KHDRBS2: variants seen among roughly 807,000 people sequenced by gnomAD.
KHDRBS2 encodes the protein KH RNA binding domain containing, signal transduction associated 2.
In KHDRBS2, 26 loss-of-function variants were observed where a neutral mutation model predicts 44.3. That is an observed-to-expected ratio of 0.59 (90% confidence interval 0.43 to 0.81). The LOEUF is 0.81. KHDRBS2 is among the 40% of genes least tolerant of loss of function. The pLI is 0.00. For missense variants in KHDRBS2, 476 were observed against 433.1 expected (o/e 1.10, Z -0.88); for synonymous variants, 194 against 151.1 (o/e 1.28, Z -2.08).
intron 3 of KHDRBS2, among the ~76,000 whole-genome samples, chr6:62,003,851 G>A (rs573355091): frequency 1.3e-5 from 2 of 151,344 alleles, no homozygotes; most frequent in East Asian, 2.0e-4. Flanking sequence ...TAGAACTCAG[G>A]ATTAAAACCA....
the KHDRBS2 span, among the ~76,000 whole-genome samples, chr6:61,604,878 G>T: frequency 6.6e-6 from 1 of 151,994 alleles, no homozygotes; most frequent in African/African-American, 2.4e-5. Flanking sequence ...ATAATTCCTT[G>T]GTCTGGCCTG....
chr6:61,593,497 T>C, the KHDRBS2 span, among the ~76,000 whole-genome samples: 3 of 150,902 alleles, frequency 2.0e-5, no homozygotes, highest in Admixed American at 6.6e-5. Flanking sequence ...TTTTGACACA[T>C]AGTTTTTCTC....
chr6:62,117,037 T>C (rs1806415013), intron 2 of KHDRBS2, among the ~76,000 whole-genome samples: 1 of 152,222 alleles, frequency 6.6e-6, no homozygotes, highest in African/African-American at 2.4e-5. Flanking sequence ...ATCTTGGCTA[T>C]TGTGAACAGT....
chr6:61,854,933 G>T (rs1017832362), intron 6 of KHDRBS2, among the ~76,000 whole-genome samples: 6 of 152,146 alleles, frequency 3.9e-5, no homozygotes, highest in Admixed American at 1.3e-4. Flanking sequence ...CATATGCCAT[G>T]CATGGCTCCC....
intron 4 of KHDRBS2, among the ~76,000 whole-genome samples, chr6:61,930,195 C>T (rs1485961588): frequency 6.6e-6 from 1 of 152,102 alleles, no homozygotes; most frequent in Non-Finnish European, 1.5e-5. Context: ...TACCAGACAA[C>T]AAACCTGCAG....
chr6:61,891,204 C>T (rs1302344778), intron 6 of KHDRBS2, among the ~76,000 whole-genome samples: 1 of 152,086 alleles, frequency 6.6e-6, no homozygotes. Flanking sequence ...AGGAGATGGA[C>T]ATGCTGGAGA....
intron 6 of KHDRBS2, among the ~76,000 whole-genome samples, chr6:61,739,761 A>G (rs1775884832): frequency 1.3e-5 from 2 of 152,078 alleles, no homozygotes. Flanking sequence ...TCACCACATT[A>G]GCACTGAAAA....
the KHDRBS2 span, among the ~76,000 whole-genome samples, chr6:61,591,763 C>A: frequency 6.6e-6 from 1 of 152,276 alleles, no homozygotes; most frequent in Admixed American, 6.5e-5. Context: ...TTTACCACAG[C>A]CCTGCTCTTT....
intron 1 of KHDRBS2, among the ~76,000 whole-genome samples, chr6:62,198,333 C>T (rs964668537): frequency 2.0e-5 from 3 of 151,740 alleles, no homozygotes; most frequent in South Asian, 2.1e-4. Context: ...ATTGATAGAC[C>T]GCTAGCAAGA....
At chr6:61,727,045 A>G (rs1773691552) in intron 7 of KHDRBS2, among the ~76,000 whole-genome samples, 2 of 152,194 alleles carry the variant, frequency 1.3e-5, no homozygotes, top group Admixed American at 6.5e-5. Context: ...ACAGTAACCA[A>G]AACAGCACAA....
intron 3 of KHDRBS2, among the ~76,000 whole-genome samples, chr6:62,044,716 C>T (rs1469237248): frequency 6.6e-6 from 1 of 151,906 alleles, no homozygotes; most frequent in Non-Finnish European, 1.5e-5. Context: ...CCTCATGTGG[C>T]TTCAGTTATT....
intron 3 of KHDRBS2, among the ~76,000 whole-genome samples, chr6:62,011,405 A>G (rs1172334449): frequency 6.6e-6 from 1 of 152,208 alleles, no homozygotes. Context: ...AAATGTGAAA[A>G]ATATTCACAT....
the KHDRBS2 span, among the ~76,000 whole-genome samples, chr6:61,636,061 C>G: frequency 0.15 from 22,437 of 151,992 alleles, 2,100 homozygotes; most frequent in South Asian, 0.27. Flanking sequence ...ATACATATTC[C>G]ACAATATTCC....
chr6:61,601,467 G>A, the KHDRBS2 span, among the ~76,000 whole-genome samples: 169 of 152,176 alleles, frequency 1.1e-3, 1 homozygote, highest in Non-Finnish European at 1.3e-3. Context: ...ACTTGACAGT[G>A]GTTCCAAATA....
At chr6:62,214,219 T>A (rs1407429639) in intron 1 of KHDRBS2, among the ~76,000 whole-genome samples, 1 of 152,160 alleles carries the variant, frequency 6.6e-6, no homozygotes, top group Admixed American at 6.5e-5. Flanking sequence ...ACTGCTGATA[T>A]ACCCTTTACT....
chr6:61,682,049 T>C (rs970647658), intron 8 of KHDRBS2, among the ~76,000 whole-genome samples: 4 of 151,816 alleles, frequency 2.6e-5, no homozygotes, highest in Admixed American at 6.6e-5. Flanking sequence ...ATATTGATAA[T>C]TGATATATAA....
intron 7 of KHDRBS2, 90 bp downstream of exon 7, chr6:61,732,592 C>A (rs923640430): frequency 3.9e-6 from 3 of 775,128 alleles, no homozygotes; most frequent in Non-Finnish European, 6.8e-6. Flanking sequence ...ACTAGAAATT[C>A]TCACATGATA....
downstream of KHDRBS2, among the ~76,000 whole-genome samples, chr6:61,676,054 G>C (rs1765916677): frequency 6.6e-6 from 1 of 151,784 alleles, no homozygotes; most frequent in East Asian, 2.0e-4. Context: ...CAGACATGAT[G>C]CCATGAACCC....
intron 6 of KHDRBS2, among the ~76,000 whole-genome samples, chr6:61,861,717 A>G (rs746124090): frequency 2.8e-4 from 42 of 151,400 alleles, no homozygotes; most frequent in Non-Finnish European, 5.7e-4. Flanking sequence ...GTTCCATATG[A>G]ATTTTAAAAT....
Sources: gnomAD v4.1 joint callset for allele counts (sites outside exome capture counted in the v4.1 genomes callset) on GRCh38, gnomAD v4.1.1 for gene constraint, MANE v1.5 for transcripts, NCBI Gene and HGNC (gene_info 2026-07-23, HGNC 2026-07-21) for gene names.